CHIA: variants seen among roughly 807,000 people sequenced by gnomAD.
The protein encoded by CHIA is acidic mammalian chitinase.
A neutral mutation model predicts 53.5 loss-of-function variants in CHIA; 47 were observed. That is an observed-to-expected ratio of 0.88 (90% CI 0.70 to 1.12). The LOEUF (loss-of-function observed/expected upper bound fraction) is 1.12, where lower values mean the gene tolerates loss of function less well. CHIA is among the 50% of genes most tolerant of loss of function. The pLI, the probability that CHIA is intolerant of heterozygous loss-of-function variation, is 0.00. For missense variants in CHIA, 652 were observed against 592.2 expected (o/e 1.10, Z -1.05); for synonymous variants, 268 against 222.2 (o/e 1.21, Z -1.83).
intron 1 of CHIA, among the ~76,000 whole-genome samples, chr1:111,296,867 G>T (rs1426671884): frequency 6.6e-6 from 1 of 152,328 alleles, no homozygotes; most frequent in Non-Finnish European, 1.5e-5. Context: ...AAACAGTGTA[G>T]AGAAGAACTT....
chr1:111,319,567 CT>C, intron 11 of CHIA, 99 bp downstream of exon 11: 4 of 1,131,078 alleles, frequency 3.5e-6, no homozygotes, highest in Non-Finnish European at 5.2e-6. Flanking sequence ...CCCAGGGATC[CT>C]CTTTCCACTT....
At chr1:111,311,567 C>T in intron 2 of CHIA, 122 bp from the exon 3 acceptor site, 1 of 1,115,014 alleles carries the variant, frequency 9.0e-7, no homozygotes, top group Non-Finnish European at 1.4e-6. Context: ...TTGGAATCAC[C>T]ACCAAATCTC....
At chr1:111,306,654 A>C (rs1159000271) in intron 1 of CHIA, among the ~76,000 whole-genome samples, 2 of 152,222 alleles carry the variant, frequency 1.3e-5, no homozygotes, top group African/African-American at 4.8e-5. Flanking sequence ...AAAGAGAGTG[A>C]AAAAATAACC....
intron 6 of CHIA, chr1:111,316,999 G>A (rs1416170523): frequency 6.6e-6 from 1 of 152,098 alleles, no homozygotes; most frequent in Non-Finnish European, 1.5e-5. Context: ...CAATATATGG[G>A]CTTAATGTCT....
At chr1:111,304,757 A>AT (rs1648042652) in intron 1 of CHIA, among the ~76,000 whole-genome samples, 1 of 151,796 alleles carries the variant, frequency 6.6e-6, no homozygotes, top group African/African-American at 2.4e-5. Context: ...CTGTTGATTT[A>AT]TTTTTTTCGT....
chr1:111,306,800 C>A (rs937051805), intron 1 of CHIA, among the ~76,000 whole-genome samples: 2 of 152,128 alleles, frequency 1.3e-5, no homozygotes, highest in Admixed American at 6.5e-5. Flanking sequence ...TACAAGCAGG[C>A]ATTTCACAGA....
In CHIA at chr1:111,319,309, T is replaced by A. The variant is rs1284890171; in HGVS notation, c.1036-18T>A. On this transcript the variant is annotated intron_variant, in intron 10 of 11. Transcript: ENST00000369740. ...CCAGGAAAGCAAGTGATTCCTGTTA[T>A]CCTCTTTCTTTAAACAGGCTCAATG... 12 of 1,614,186 alleles carry A rather than the reference T, an allele frequency of 7.4e-6. No homozygotes were observed. The highest frequency in any genetic ancestry group is 1.0e-5 in the Non-Finnish European group (12 of 1,180,016).
chr1:111,317,497 C>G, intron 6 of CHIA, 184 bp from the exon 7 acceptor site: 1 of 631,132 alleles, frequency 1.6e-6, no homozygotes, highest in Non-Finnish European at 2.6e-6. Flanking sequence ...ATTAGATAGC[C>G]AGAAAATTCA....
Position 111,319,400 on chromosome 1 carries a change from C to T in CHIA, c.1109C>T (p.Thr370Ile). Residue 370 changes from threonine to isoleucine, a missense_variant, in exon 11 of 12, where the codon ACT becomes ATT. Thr to Ile is a moderately conservative substitution (Grantham distance 89). Coordinates refer to ENST00000369740, the MANE Select transcript of CHIA (RefSeq NM_201653.4). Reference protein sequence around the residue: ...WAIDLDDFTGTFCNQGKFPLI... With the variant: ...WAIDLDDFTGIFCNQGKFPLI... ...ATTGATCTGGATGACTTCACTGGCA[C>T]TTTCTGCAACCAGGGCAAGTTTCCC... 2 of 1,614,198 alleles carry T rather than the reference C, an allele frequency of 1.2e-6. No homozygotes were observed. Among genetic ancestry groups the T allele is most frequent in the East Asian group, 2.2e-5 (1 of 44,888 alleles).
At chr1:111,293,943 A>G (rs1449745295) in intron 1 of CHIA, among the ~76,000 whole-genome samples, 3 of 152,134 alleles carry the variant, frequency 2.0e-5, no homozygotes, top group Non-Finnish European at 4.4e-5. Context: ...TTAGCCAGGC[A>G]TGGTGGCACA....
At position 111,310,399 on chromosome 1, in the gene CHIA, G is replaced by T; in HGVS notation, c.-68-1G>T. The T allele has an allele frequency of 6.2e-7, 1 of 1,607,540 alleles. No individual in the cohort carries two copies. Among genetic ancestry groups the T allele is most frequent in the Non-Finnish European group, 8.5e-7 (1 of 1,177,986 alleles). On this transcript the variant is annotated splice_acceptor_variant, in intron 1 of 11. Coordinates refer to ENST00000369740, the MANE Select transcript of CHIA (RefSeq NM_201653.4). LOFTEE classifies it low-confidence loss of function (5UTR_SPLICE). ...TCTGGGTCAAATTGTTCTCTATTTA[G>T]AAGCCTTTGTGATAACCACAGAATC...
chr1:111,298,719 G>T (rs1647428894), intron 1 of CHIA, among the ~76,000 whole-genome samples: 1 of 152,074 alleles, frequency 6.6e-6, no homozygotes, highest in Non-Finnish European at 1.5e-5. Context: ...CTAGCAGAAG[G>T]TGAGAAATAA....
chr1:111,297,533 T>G (rs1429780289), intron 1 of CHIA, among the ~76,000 whole-genome samples: 3 of 152,022 alleles, frequency 2.0e-5, no homozygotes, highest in African/African-American at 7.3e-5. Context: ...GCTGAGAGAT[T>G]TTGTCACCAC....
At chr1:111,298,777 C>CA (rs1239026636) in intron 1 of CHIA, among the ~76,000 whole-genome samples, 1 of 152,024 alleles carries the variant, frequency 6.6e-6, no homozygotes, top group African/African-American at 2.4e-5. Context: ...AAAAACCCCT[C>CA]AAAAAATCAG....
At chr1:111,310,976 T>C (rs986028584) in intron 2 of CHIA, among the ~76,000 whole-genome samples, 1 of 152,230 alleles carries the variant, frequency 6.6e-6, no homozygotes, top group Non-Finnish European at 1.5e-5. Context: ...ATTATCCTAC[T>C]GAGTTGATGA....
intron 1 of CHIA, among the ~76,000 whole-genome samples, chr1:111,295,812 G>A (rs1243520725): frequency 6.6e-6 from 1 of 152,226 alleles, no homozygotes; most frequent in Non-Finnish European, 1.5e-5. Flanking sequence ...CTAGCCAAGG[G>A]AAGCCATGGC....
chr1:111,319,300 T>C (rs1475327657), intron 10 of CHIA, 27 bp from the exon 11 acceptor site: 2 of 1,613,998 alleles, frequency 1.2e-6, no homozygotes, highest in African/African-American at 2.7e-5. Flanking sequence ...AAGCAAGTGA[T>C]TCCTGTTATC....
intron 1 of CHIA, among the ~76,000 whole-genome samples, chr1:111,291,676 A>T (rs527285315): frequency 6.0e-4 from 92 of 152,210 alleles, no homozygotes; most frequent in South Asian, 1.0e-3. Context: ...TTAAAGTAAA[A>T]TTTTTTTTAA....
chr1:111,318,826 C>A, intron 9 of CHIA, 148 bp downstream of exon 9: 1 of 914,636 alleles, frequency 1.1e-6, no homozygotes, highest in Non-Finnish European at 1.6e-6. Flanking sequence ...CATTCATTTA[C>A]ATAATCCAAA....
Sources: gnomAD v4.1 joint callset for allele counts (sites outside exome capture counted in the v4.1 genomes callset) on GRCh38, gnomAD v4.1.1 for gene constraint, MANE v1.5 for transcripts, NCBI Gene and HGNC (gene_info 2026-07-23, HGNC 2026-07-21) for gene names.